Variants in PTPRT observed in about 807,000 individuals in gnomAD.
PTPRT encodes the protein receptor-type tyrosine-protein phosphatase T.
In PTPRT, 56 loss-of-function variants were observed where a neutral mutation model predicts 176.8. The ratio of observed to expected loss-of-function variants is 0.32; its 90% CI spans 0.26 to 0.40. The LOEUF (loss-of-function observed/expected upper bound fraction) is 0.40, where lower values mean the gene tolerates loss of function less well. PTPRT is among the 10% of genes least tolerant of loss of function. The pLI, the probability that PTPRT is intolerant of heterozygous loss-of-function variation, is 1.00. For missense variants in PTPRT, 1,540 were observed against 1,908.2 expected (o/e 0.81, Z 3.60); for synonymous variants, 783 against 739.0 (o/e 1.06, Z -0.96).
chr20:42,987,120 C>T (rs1028496210), intron 1 of PTPRT, among the ~76,000 whole-genome samples: 8 of 152,146 alleles, frequency 5.3e-5, no homozygotes, highest in African/African-American at 1.9e-4. Flanking sequence ...CCACCCCTCC[C>T]TGCCTCCCTC....
At chr20:43,159,735 A>G (rs2014636616) in intron 1 of PTPRT, among the ~76,000 whole-genome samples, 2 of 152,162 alleles carry the variant, frequency 1.3e-5, no homozygotes, top group Non-Finnish European at 2.9e-5. Flanking sequence ...TGATCTTGCT[A>G]AGTATTCCTT....
At chr20:42,561,092 C>T (rs1305200185) in intron 7 of PTPRT, among the ~76,000 whole-genome samples, 1 of 152,218 alleles carries the variant, frequency 6.6e-6, no homozygotes, top group African/African-American at 2.4e-5. Flanking sequence ...GCAGCAATCA[C>T]CTCTAAATGA....
In PTPRT at chr20:42,671,704, C is replaced by A. The variant is rs1431977492; in HGVS notation, c.1153+6162G>T. On this transcript the variant is annotated intron_variant, in intron 7 of 30. Coordinates refer to ENST00000373187, the MANE Select transcript of PTPRT (RefSeq NM_007050.6). ...TGGTTCACTATAGGCAGCTAAAGAACATTTTGAGTTTGATATACATGATCG... is the reference window on the plus strand; with the variant it reads ...TGGTTCACTATAGGCAGCTAAAGAAAATTTTGAGTTTGATATACATGATCG... Among the ~76,000 whole-genome samples, 3 of 152,162 alleles carry A rather than the reference C, an allele frequency of 2.0e-5. 1 individual carries two copies. Among genetic ancestry groups the A allele is most frequent in the South Asian group, 4.1e-4 (2 of 4,824 alleles).
chr20:42,663,720 G>T (rs1165927198), intron 7 of PTPRT, among the ~76,000 whole-genome samples: 1 of 152,112 alleles, frequency 6.6e-6, no homozygotes, highest in African/African-American at 2.4e-5. Context: ...ACTTACACTC[G>T]TGGTTTTGTA....
At chr20:42,210,885 A>G (rs2055607093) in intron 15 of PTPRT, among the ~76,000 whole-genome samples, 1 of 152,074 alleles carries the variant, frequency 6.6e-6, no homozygotes, top group Non-Finnish European at 1.5e-5. Flanking sequence ...ACACTACCTG[A>G]CTTCAAACTA....
chr20:42,253,799 C>T (rs148000766), intron 13 of PTPRT, among the ~76,000 whole-genome samples: 64 of 152,300 alleles, frequency 4.2e-4, no homozygotes, highest in African/African-American at 1.5e-3. Context: ...CCTGACCTGA[C>T]GGCACAGCCA....
chr20:42,310,746 TAA>T (rs2057615759), intron 12 of PTPRT, among the ~76,000 whole-genome samples: 1 of 152,164 alleles, frequency 6.6e-6, no homozygotes, highest in Admixed American at 6.5e-5. Flanking sequence ...GTCTAATTCA[TAA>T]GAGACAGGTG....
intron 27 of PTPRT, among the ~76,000 whole-genome samples, chr20:42,086,753 A>AAAAAAAATATATATATATATATATATAT (rs1983991312): frequency 1.0e-5 from 1 of 95,524 alleles, no homozygotes; most frequent in African/African-American, 4.9e-5. Flanking sequence ...AAAAAAAAAA[A>AAAAAAAATATATATATATATATATATAT]ATATATATAT....
intron 27 of PTPRT, among the ~76,000 whole-genome samples, chr20:42,086,684 G>A (rs958613258): frequency 1.5e-5 from 2 of 135,438 alleles, no homozygotes; most frequent in Non-Finnish European, 3.1e-5. Flanking sequence ...CTGAGATCGC[G>A]CCACTGCACT....
chr20:42,220,800 A>G (rs2055868539), intron 15 of PTPRT, among the ~76,000 whole-genome samples: 1 of 152,202 alleles, frequency 6.6e-6, no homozygotes, highest in Non-Finnish European at 1.5e-5. Flanking sequence ...TACTCAATGA[A>G]GTTTAAGCAG....
chr20:42,571,416 G>A (rs1053119302), intron 7 of PTPRT, among the ~76,000 whole-genome samples: 1 of 152,192 alleles, frequency 6.6e-6, no homozygotes, highest in Middle Eastern at 3.2e-3. Flanking sequence ...TTCGCCTCTA[G>A]ATACTACAGA....
the PTPRT span, among the ~76,000 whole-genome samples, chr20:42,049,231 A>G: frequency 1.3e-5 from 2 of 152,244 alleles, no homozygotes; most frequent in African/African-American, 4.8e-5. Context: ...GACGTCCACT[A>G]ACAGGGTATA....
At chr20:43,007,408 C>G (rs941361738) in intron 1 of PTPRT, among the ~76,000 whole-genome samples, 2 of 152,162 alleles carry the variant, frequency 1.3e-5, no homozygotes, top group African/African-American at 4.8e-5. Flanking sequence ...CTATCTTTAG[C>G]CATTTTTGCC....
intron 7 of PTPRT, among the ~76,000 whole-genome samples, chr20:42,475,991 C>T (rs1052778617): frequency 6.6e-5 from 10 of 152,196 alleles, no homozygotes; most frequent in African/African-American, 1.9e-4. Flanking sequence ...TGGCTTGAAG[C>T]GAGACTCTGG....
At chr20:43,096,566 C>G (rs2012178334) in intron 1 of PTPRT, among the ~76,000 whole-genome samples, 1 of 152,204 alleles carries the variant, frequency 6.6e-6, no homozygotes, top group Non-Finnish European at 1.5e-5. Context: ...CTGGCCGGTT[C>G]CCCAGCTCAG....
At chr20:42,829,182 T>G (rs1329142489) in intron 2 of PTPRT, among the ~76,000 whole-genome samples, 1 of 151,848 alleles carries the variant, frequency 6.6e-6, no homozygotes, top group Non-Finnish European at 1.5e-5. Context: ...ATTTTGGAGC[T>G]TTAAGATTTA....
intron 6 of PTPRT, among the ~76,000 whole-genome samples, chr20:42,728,388 T>C (rs1250521514): frequency 6.6e-6 from 1 of 152,168 alleles, no homozygotes; most frequent in Non-Finnish European, 1.5e-5. Context: ...GCCTCACTTG[T>C]GAGCAAAATT....
intron 8 of PTPRT, among the ~76,000 whole-genome samples, chr20:42,468,775 G>A (rs2071143236): frequency 6.6e-6 from 1 of 152,174 alleles, no homozygotes; most frequent in African/African-American, 2.4e-5. Context: ...TGCTCCTTGG[G>A]AAAACCTTAT....
chr20:42,537,194 C>T (rs1478216296), intron 7 of PTPRT, among the ~76,000 whole-genome samples: 1 of 151,970 alleles, frequency 6.6e-6, no homozygotes, highest in African/African-American at 2.4e-5. Flanking sequence ...GTTGGAAGTG[C>T]ATTGGATGAA....
Sources: allele counts gnomAD v4.1 joint callset (sites outside exome capture counted in the v4.1 genomes callset), GRCh38; gene constraint gnomAD v4.1.1; transcripts MANE v1.5; gene names NCBI Gene and HGNC (gene_info 2026-07-23, HGNC 2026-07-21).